The following RFC3 variants were observed in gnomAD, a reference collection of about 807,000 sequenced individuals.
RFC3 encodes A1 38 kDa subunit.
Under a neutral mutation model 45.1 loss-of-function variants are expected in RFC3, and 41 were observed. That is an observed-to-expected ratio of 0.91 (90% CI 0.71 to 1.18). RFC3 has a LOEUF of 1.18. Ranked by LOEUF, RFC3 falls within the 50% of genes most tolerant of loss-of-function variation. The pLI, the probability that RFC3 is intolerant of heterozygous loss-of-function variation, is 0.00. For synonymous variants in RFC3, 149 were observed against 144.0 expected (o/e 1.03, Z -0.25); for missense variants, 423 against 428.1 (o/e 0.99, Z 0.10).
the RFC3 span, among the ~76,000 whole-genome samples, chr13:33,975,136 C>A: frequency 9.2e-5 from 14 of 152,090 alleles, no homozygotes; most frequent in African/African-American, 3.1e-4. Flanking sequence ...CTGAAAGTAA[C>A]CAAGACGTCC....
intron 8 of RFC3, among the ~76,000 whole-genome samples, chr13:33,863,885 A>G (rs1448228445): frequency 2.0e-5 from 3 of 152,074 alleles, no homozygotes; most frequent in Non-Finnish European, 4.4e-5. Context: ...GGTTTTTGTC[A>G]TTTCTGCCCC....
intron 8 of RFC3, among the ~76,000 whole-genome samples, chr13:33,900,308 A>G (rs78038886): frequency 4.6e-5 from 7 of 152,050 alleles, no homozygotes; most frequent in East Asian, 1.9e-4. Flanking sequence ...CCAAATCAGC[A>G]TGGTACTGGC....
intron 8 of RFC3, among the ~76,000 whole-genome samples, chr13:33,956,256 A>T (rs1161193272): frequency 2.6e-5 from 4 of 152,238 alleles, no homozygotes; most frequent in Non-Finnish European, 5.9e-5. Flanking sequence ...AGAAATATTG[A>T]AACATAAAAA....
At chr13:33,821,618 T>G (rs1184321780) in intron 2 of RFC3, among the ~76,000 whole-genome samples, 1 of 152,192 alleles carries the variant, frequency 6.6e-6, no homozygotes. Context: ...AGAAAGAGAA[T>G]GATTTTGAGA....
chr13:33,913,067 T>G (rs1178448496), intron 8 of RFC3, among the ~76,000 whole-genome samples: 1 of 152,122 alleles, frequency 6.6e-6, no homozygotes, highest in Non-Finnish European at 1.5e-5. Context: ...GGAGTGAGTT[T>G]AGCTTTAGAC....
intron 1 of RFC3, 44 bp from the exon 2 acceptor site, chr13:33,821,088 A>G: frequency 6.2e-7 from 1 of 1,607,384 alleles, no homozygotes; most frequent in Non-Finnish European, 8.5e-7. Context: ...TACCTAGAGC[A>G]GTTCAGTTTG....
intron 8 of RFC3, among the ~76,000 whole-genome samples, chr13:33,860,835 C>T (rs1234818306): frequency 6.6e-6 from 1 of 152,136 alleles, no homozygotes; most frequent in Non-Finnish European, 1.5e-5. Flanking sequence ...CAGCAAGTCC[C>T]GCAGAGATGT....
At chr13:33,930,824 T>C (rs532563881) in intron 8 of RFC3, among the ~76,000 whole-genome samples, 116 of 152,264 alleles carry the variant, frequency 7.6e-4, no homozygotes, top group Non-Finnish European at 8.2e-4. Context: ...AATTTAGGGA[T>C]AGATAAACCT....
At chr13:33,849,651 CA>C (rs762279685) in intron 8 of RFC3, 1 of 151,880 alleles carries the variant, frequency 6.6e-6, no homozygotes, top group Non-Finnish European at 1.5e-5. Flanking sequence ...CCGAGGCTGG[CA>C]GATCAGTTGA....
intron 8 of RFC3, among the ~76,000 whole-genome samples, chr13:33,894,808 A>G (rs1373351026): frequency 6.6e-6 from 1 of 152,178 alleles, no homozygotes. Flanking sequence ...TAAAAATGAG[A>G]CATAGACCAA....
intron 8 of RFC3, among the ~76,000 whole-genome samples, chr13:33,863,312 G>A (rs977921094): frequency 2.0e-5 from 3 of 151,974 alleles, no homozygotes; most frequent in Admixed American, 6.6e-5. Flanking sequence ...TCTGTCTCTG[G>A]GTTTAATTTC....
At chr13:33,908,968 G>A (rs1415005047) in intron 8 of RFC3, among the ~76,000 whole-genome samples, 1 of 152,012 alleles carries the variant, frequency 6.6e-6, no homozygotes, top group Non-Finnish European at 1.5e-5. Context: ...ACTAATTGAG[G>A]CCCACCACAG....
chr13:33,864,887 G>A (rs2082363364), intron 8 of RFC3, among the ~76,000 whole-genome samples: 2 of 152,156 alleles, frequency 1.3e-5, no homozygotes, highest in Non-Finnish European at 2.9e-5. Context: ...GGAGGAAGGG[G>A]AGTTCTGTCT....
At chr13:33,946,408 TA>T (rs902667983) in intron 8 of RFC3, among the ~76,000 whole-genome samples, 1 of 152,196 alleles carries the variant, frequency 6.6e-6, no homozygotes, top group Non-Finnish European at 1.5e-5. Flanking sequence ...TTTTTACTCT[TA>T]AAAGTTATTG....
chr13:33,924,012 C>A (rs1343073141), intron 8 of RFC3, among the ~76,000 whole-genome samples: 1 of 152,078 alleles, frequency 6.6e-6, no homozygotes, highest in Non-Finnish European at 1.5e-5. Flanking sequence ...GGGCTGGCAC[C>A]AGGGCTCAGC....
At chr13:33,837,670 C>T (rs1593624964), downstream of RFC3, among the ~76,000 whole-genome samples, 2 of 152,052 alleles carry the variant, frequency 1.3e-5, 1 homozygote, top group East Asian at 3.9e-4. Flanking sequence ...TCCTGTTGTT[C>T]CTATAGTATT....
intron 8 of RFC3, among the ~76,000 whole-genome samples, chr13:33,885,727 C>T (rs372131409): frequency 3.8e-4 from 58 of 152,204 alleles, no homozygotes; most frequent in African/African-American, 1.3e-3. Context: ...TTAGAAGAAA[C>T]AGACAAAATA....
intron 8 of RFC3, among the ~76,000 whole-genome samples, chr13:33,922,158 T>C (rs987637748): frequency 8.6e-5 from 13 of 151,972 alleles, no homozygotes; most frequent in African/African-American, 3.1e-4. Flanking sequence ...TGCTTTTTTT[T>C]TTTTTTTTTA....
rs1054610491 is a variant in RFC3, at chr13:33,819,158, C to G, written c.87+893C>G. Reference sequence around the variant, plus strand: ...CCGCCTGCCTCGGCCTCCCAAAGTGCTGGGATTACAGGCGTGGGCCACCGT... The same window carrying G: ...CCGCCTGCCTCGGCCTCCCAAAGTGGTGGGATTACAGGCGTGGGCCACCGT... On this transcript the variant is annotated intron_variant, in intron 1 of 8. Transcript: ENST00000380071. Among the ~76,000 whole-genome samples the G allele has an allele frequency of 1.7e-4, 26 of 152,316 alleles. 1 individual carries two copies. Among genetic ancestry groups the G allele is most frequent in the African/African-American group, 6.3e-4 (26 of 41,566 alleles).
Sources: gnomAD v4.1 joint callset for allele counts (sites outside exome capture counted in the v4.1 genomes callset) on GRCh38, gnomAD v4.1.1 for gene constraint, MANE v1.5 for transcripts, NCBI Gene and HGNC (gene_info 2026-07-23, HGNC 2026-07-21) for gene names.